Variants in HAPSTR1 observed in about 807,000 individuals in gnomAD.
The protein encoded by HAPSTR1 is HUWE1 associated protein modifying stress responses, also known as HUWE1-associated protein modifying stress responses 1.
chr16:9,105,255 G>A, the HAPSTR1 span: 1 of 152,152 alleles, frequency 6.6e-6, no homozygotes, highest in African/African-American at 2.4e-5. Context: ...ATAAGGCTTT[G>A]TCTAGGAAGA....
chr16:9,121,208 C>T, the HAPSTR1 span: 13,166 of 152,326 alleles, frequency 0.086, 799 homozygotes, highest in Admixed American at 0.18. Flanking sequence ...CCCGCCTTGG[C>T]CTCCCCAAGT....
At chr16:9,113,558 G>T in the HAPSTR1 span, among the ~76,000 whole-genome samples, 1 of 152,180 alleles carries the variant, frequency 6.6e-6, no homozygotes, top group African/African-American at 2.4e-5. Flanking sequence ...GTTAACAAGG[G>T]CATTAGGGTG....
the HAPSTR1 span, among the ~76,000 whole-genome samples, chr16:9,114,955 T>G: frequency 6.6e-6 from 1 of 152,196 alleles, no homozygotes; most frequent in South Asian, 2.1e-4. Context: ...GTTGAGAGGC[T>G]GAAGAGGGAC....
chr16:9,096,372 C>G, the HAPSTR1 span, among the ~76,000 whole-genome samples: 1 of 150,366 alleles, frequency 6.7e-6, no homozygotes, highest in African/African-American at 2.4e-5. Flanking sequence ...GAAATAAACT[C>G]TGGTGTGTAT....
chr16:9,095,655 C>G, the HAPSTR1 span, among the ~76,000 whole-genome samples: 16 of 151,704 alleles, frequency 1.1e-4, no homozygotes, highest in Non-Finnish European at 1.9e-4. Context: ...GATTAAAAAC[C>G]CAGCAGAGGG....
chr16:9,091,880 G>T, the HAPSTR1 span: 1 of 480,392 alleles, frequency 2.1e-6, no homozygotes, highest in Non-Finnish European at 3.3e-6. Context: ...GCGGGGCGGG[G>T]CTCGCCGGCC....
At chr16:9,118,312 C>G in the HAPSTR1 span, 527 of 152,640 alleles carry the variant, frequency 3.5e-3, 1 homozygote, top group African/African-American at 0.012. Context: ...CTTAAAAGAC[C>G]ATTGCAAATC....
the HAPSTR1 span, chr16:9,092,309 C>T: frequency 2.1e-6 from 3 of 1,443,362 alleles, no homozygotes; most frequent in African/African-American, 4.4e-5. Flanking sequence ...GCTTGGCCGC[C>T]CCCGCCCGGG....
At chr16:9,103,267 C>T in the HAPSTR1 span, 32 of 1,605,028 alleles carry the variant, frequency 2.0e-5, no homozygotes, top group Non-Finnish European at 2.7e-5. Flanking sequence ...ATGGTAAAGC[C>T]GTTTAAACAT....
chr16:9,101,342 G>T, the HAPSTR1 span, among the ~76,000 whole-genome samples: 1 of 152,208 alleles, frequency 6.6e-6, no homozygotes, highest in Non-Finnish European at 1.5e-5. Context: ...ATTGATTCAT[G>T]TTATACCAGT....
At chr16:9,098,816 T>G in the HAPSTR1 span, among the ~76,000 whole-genome samples, 1 of 152,236 alleles carries the variant, frequency 6.6e-6, no homozygotes, top group Non-Finnish European at 1.5e-5. Context: ...TGTCTGCAAT[T>G]GAGAGATGGC....
At chr16:9,092,723 TC>T in the HAPSTR1 span, among the ~76,000 whole-genome samples, 1 of 151,714 alleles carries the variant, frequency 6.6e-6, no homozygotes, top group Non-Finnish European at 1.5e-5. Context: ...CATCCCCTTT[TC>T]CCCGCCGCGA....
At chr16:9,092,802 C>G in the HAPSTR1 span, 5 of 1,092,264 alleles carry the variant, frequency 4.6e-6, no homozygotes, top group Non-Finnish European at 6.6e-6. Context: ...ATGGCGAAAC[C>G]TAATATGGCC....
chr16:9,112,638 G>T, the HAPSTR1 span: 1 of 152,230 alleles, frequency 6.6e-6, no homozygotes, highest in Admixed American at 6.5e-5. Flanking sequence ...TGAATTACAT[G>T]TAATTAATGC....
At chr16:9,095,983 A>G in the HAPSTR1 span, among the ~76,000 whole-genome samples, 2 of 152,150 alleles carry the variant, frequency 1.3e-5, no homozygotes, top group African/African-American at 4.8e-5. Context: ...GGAACTAAAG[A>G]AGGGGAGTAA....
At chr16:9,097,286 AGGTGGGAGTGCAGT>A in the HAPSTR1 span, among the ~76,000 whole-genome samples, 2 of 142,818 alleles carry the variant, frequency 1.4e-5, no homozygotes, top group East Asian at 4.1e-4. Flanking sequence ...TCTGTCACCC[AGGTGGGAGTGCAGT>A]GGTGCTGTCT....
the HAPSTR1 span, among the ~76,000 whole-genome samples, chr16:9,098,211 A>C: frequency 6.6e-6 from 1 of 152,188 alleles, no homozygotes; most frequent in South Asian, 2.1e-4. Context: ...GCATGCCTGT[A>C]ATCCCAGCTA....
At chr16:9,117,961 C>A in the HAPSTR1 span, 1 of 152,614 alleles carries the variant, frequency 6.6e-6, no homozygotes, top group Non-Finnish European at 1.5e-5. Context: ...TCCCTCCAAT[C>A]CCTCTCCTAA....
the HAPSTR1 span, among the ~76,000 whole-genome samples, chr16:9,096,830 G>A: frequency 6.6e-6 from 1 of 151,928 alleles, no homozygotes; most frequent in African/African-American, 2.4e-5. Flanking sequence ...GAGATCCCGT[G>A]TCTTAAAATT....
Sources: allele counts gnomAD v4.1 joint callset (sites outside exome capture counted in the v4.1 genomes callset), GRCh38; gene constraint gnomAD v4.1.1; transcripts MANE v1.5; gene names NCBI Gene and HGNC (gene_info 2026-07-23, HGNC 2026-07-21).